The following ABCG1 variants were observed in gnomAD, a reference collection of about 807,000 sequenced individuals.
ABCG1 encodes ATP-binding cassette sub-family G member 1.
Under a neutral mutation model 69.2 loss-of-function variants are expected in ABCG1, and 29 were observed. That is an observed-to-expected ratio of 0.42 (90% CI 0.31 to 0.57). The LOEUF is 0.57. Ranked by LOEUF, ABCG1 falls within the 20% of genes least tolerant of loss-of-function variation. The probability of loss-of-function intolerance (pLI) is 0.15; values close to 1 mark genes in which losing one functional copy is unlikely to be tolerated. For synonymous variants in ABCG1, 370 were observed against 374.8 expected, an observed-to-expected ratio of 0.99 and a Z score of 0.15; for missense variants, 718 against 898.1, an observed-to-expected ratio of 0.80 and a Z score of 2.56.
chr21:42,279,232 G>T (rs993371937), intron 5 of ABCG1, among the ~76,000 whole-genome samples: 1 of 152,148 alleles, frequency 6.6e-6, no homozygotes, highest in Non-Finnish European at 1.5e-5. Context: ...GATGCTCGGC[G>T]TGGAGGAGGA....
In ABCG1 at chr21:42,203,856, C is replaced by T. The variant is rs140506855; in HGVS notation, c.48+2133C>T. Among the ~76,000 whole-genome samples, 824 of 152,290 alleles carry T rather than the reference C, an allele frequency of 5.4e-3. 7 individuals carry two copies. The highest frequency in any genetic ancestry group is 0.019 in the African/African-American group (787 of 41,560). On this transcript the variant is annotated intron_variant, in intron 2 of 15. Transcript: ENST00000398457. ...TTGTTGATCATTGATATTTTTACTA[C>T]GTTAAGTCTTCCAATCTATAAACAG...
At chr21:42,219,033 A>G (rs1449997057), upstream of ABCG1, 2 of 242,400 alleles carry the variant, frequency 8.3e-6, no homozygotes, top group African/African-American at 4.6e-5. The surrounding 1 kb of genome is among the most constrained non-coding windows in gnomAD (Gnocchi z 5.3). Flanking sequence ...GGAGCAAAAC[A>G]AGAGCACGCG....
chr21:42,278,504 T>G (rs1039966047), intron 5 of ABCG1, among the ~76,000 whole-genome samples: 2 of 152,174 alleles, frequency 1.3e-5, no homozygotes, highest in Non-Finnish European at 2.9e-5. Context: ...AGTCTAACTG[T>G]GTCCCTGTAA....
In ABCG1 at chr21:42,294,539, C is replaced by T; in HGVS notation, c.1654-3C>T. On this transcript the variant is annotated splice_polypyrimidine_tract_variant and splice_region_variant and intron_variant, in intron 13 of 14. Transcript: ENST00000398449. ...CATCTGTCCTGTGTGCCCCCAACTCCAGGTGGCCACTTTCGTGGGCCCAGT... is the reference window on the plus strand; with the variant it reads ...CATCTGTCCTGTGTGCCCCCAACTCTAGGTGGCCACTTTCGTGGGCCCAGT... 6.2e-7 allele frequency: 1 copy of T among 1,613,260 alleles called. No homozygotes were observed. Among genetic ancestry groups the T allele is most frequent in the South Asian group, 1.1e-5 (1 of 91,068 alleles).
intron 2 of ABCG1, chr21:42,259,541 T>C (rs1453700651): frequency 4.6e-6 from 7 of 1,529,184 alleles, no homozygotes; most frequent in Non-Finnish European, 6.2e-6. Context: ...GGAGTCATCA[T>C]GTGGGCCCTC....
intron 2 of ABCG1, among the ~76,000 whole-genome samples, chr21:42,243,534 T>C (rs1214163831): frequency 6.6e-6 from 1 of 151,452 alleles, no homozygotes; most frequent in Admixed American, 6.6e-5. Context: ...GAAGATTAGG[T>C]TCCTTTCTGC....
intron 2 of ABCG1, among the ~76,000 whole-genome samples, chr21:42,256,950 A>G (rs1190725134): frequency 1.3e-5 from 2 of 152,154 alleles, no homozygotes; most frequent in Non-Finnish European, 2.9e-5. Context: ...TCCAGCATGC[A>G]TTTTGTTGTG....
rs1212431554 is a variant in ABCG1 at position 42,296,429 on chromosome 21, T to C, written c.*37T>C. 1.3e-6 allele frequency: 2 copies of C among 1,577,152 alleles called. No homozygotes were observed. Among genetic ancestry groups the C allele is most frequent in the African/African-American group, 1.3e-5 (1 of 74,302 alleles). ...GCCAGGAAACAGGAAGATTAGACAC[T>C]GTGGCCGAGGGCACGTCTAGAATCG... On this transcript the variant is annotated 3_prime_UTR_variant, in exon 15 of 15. Coordinates refer to ENST00000398449, the MANE Select transcript of ABCG1 (RefSeq NM_016818.3). This position sits in a 1 kb window ranked among gnomAD's most constrained non-coding sequence, Gnocchi z 5.4.
intron 2 of ABCG1, among the ~76,000 whole-genome samples, chr21:42,253,837 C>T (rs2068261207): frequency 6.6e-6 from 1 of 152,042 alleles, no homozygotes; most frequent in Non-Finnish European, 1.5e-5. Flanking sequence ...CTGAGTGCCT[C>T]CTTGGGGTGC....
intron 2 of ABCG1, among the ~76,000 whole-genome samples, chr21:42,244,532 C>A (rs2068103862): frequency 6.6e-6 from 1 of 152,252 alleles, no homozygotes; most frequent in Non-Finnish European, 1.5e-5. Flanking sequence ...GTCTAATTTA[C>A]AGTCTTGTCT....
At chr21:42,257,643 A>G (rs1374516607) in intron 2 of ABCG1, among the ~76,000 whole-genome samples, 1 of 152,224 alleles carries the variant, frequency 6.6e-6, no homozygotes, top group Non-Finnish European at 1.5e-5. Context: ...AACAATGCTT[A>G]CTGCCTTCCA....
At chr21:42,222,990 T>G (rs225412) in intron 1 of ABCG1, among the ~76,000 whole-genome samples, 23,428 of 152,198 alleles carry the variant, frequency 0.15, 5,717 homozygotes, top group African/African-American at 0.52. Context: ...GAGACTCTTC[T>G]GCAGTTCTGG....
chr21:42,242,060 C>T (rs1459769237), intron 2 of ABCG1, among the ~76,000 whole-genome samples: 4 of 150,618 alleles, frequency 2.7e-5, no homozygotes, highest in Non-Finnish European at 5.9e-5. Flanking sequence ...AAGCACAAAA[C>T]AGTGAAATCC....
At chr21:42,293,245 C>CCACA (rs2069119833) in intron 13 of ABCG1, among the ~76,000 whole-genome samples, 1 of 121,116 alleles carries the variant, frequency 8.3e-6, no homozygotes, top group Admixed American at 7.8e-5. Context: ...CACACACACA[C>CCACA]CACACTACAC....
intron 8 of ABCG1, among the ~76,000 whole-genome samples, chr21:42,286,488 G>A (rs2068942129): frequency 6.6e-6 from 1 of 152,212 alleles, no homozygotes; most frequent in African/African-American, 2.4e-5. Flanking sequence ...TGTGTTCCAT[G>A]AGACATTGTT....
chr21:42,226,992 C>G (rs755896008), intron 2 of ABCG1, among the ~76,000 whole-genome samples: 14 of 152,200 alleles, frequency 9.2e-5, no homozygotes, highest in Non-Finnish European at 1.5e-4. Flanking sequence ...CTATTATCTT[C>G]TTTTTGTTTT....
chr21:42,245,020 A>G (rs1394895990), intron 2 of ABCG1, among the ~76,000 whole-genome samples: 1 of 152,206 alleles, frequency 6.6e-6, no homozygotes, highest in Non-Finnish European at 1.5e-5. Flanking sequence ...TTCCCCAGTC[A>G]TGTCCCAGCT....
chr21:42,262,275 C>T (rs2068427158), intron 2 of ABCG1, among the ~76,000 whole-genome samples: 1 of 152,144 alleles, frequency 6.6e-6, no homozygotes, highest in African/African-American at 2.4e-5. Flanking sequence ...GGAGACCTTC[C>T]CACATCCTGG....
chr21:42,211,661 C>A (rs1247738497), upstream of ABCG1, among the ~76,000 whole-genome samples: 2 of 152,044 alleles, frequency 1.3e-5, no homozygotes, highest in East Asian at 3.9e-4. Context: ...AGGTGGATCA[C>A]CTGAGGTCAG....
Sources: allele counts gnomAD v4.1 joint callset (sites outside exome capture counted in the v4.1 genomes callset), GRCh38; gene constraint gnomAD v4.1.1; non-coding constraint Gnocchi (gnomAD v3.1); transcripts MANE v1.5; gene names NCBI Gene and HGNC (gene_info 2026-07-23, HGNC 2026-07-21).